TNXB: variants seen among roughly 807,000 people sequenced by gnomAD.
TNXB encodes the protein tenascin XB, also known as tenascin-X.
TNXB carries 183 observed loss-of-function variants against 340.5 expected under a neutral mutation model. The observed-to-expected ratio is 0.54, with a 90% CI of 0.48 to 0.61. TNXB has a LOEUF of 0.61. Ranked by LOEUF, TNXB falls within the 20% of genes least tolerant of loss-of-function variation. The pLI, the probability that TNXB is intolerant of heterozygous loss-of-function variation, is 0.00. For missense variants in TNXB, 4,613 were observed against 5,446.4 expected, an observed-to-expected ratio of 0.85 and a Z score of 4.82; for synonymous variants, 2,121 against 2,314.5, an observed-to-expected ratio of 0.92 and a Z score of 2.40.
At chr6:32,045,967 C>T (rs1268954492) in intron 31 of TNXB, 1 of 1,308,324 alleles carries the variant, frequency 7.6e-7, no homozygotes, top group Admixed American at 3.2e-5. Context: ...CTCCCAGGGC[C>T]TTTCCCTCCC....
chr6:32,050,248 C>G lies in TNXB; in HGVS notation c.9189G>C (p.Leu3063=), dbSNP rs371734979. ...TGGCATCTGTCACGGTCAGCTCCCC[C>G]AGGCGAGGCTTGATGGGGGGCTCAG... The part of the protein sequence containing the change: ...MTPEPPIKPR[L]GELTVTDATP... Residue 3063 remains leucine, a synonymous_variant, in exon 27 of 44, where the codon CTG becomes CTC. Transcript: ENST00000644971. The G allele has an allele frequency of 1.3e-4, 211 of 1,613,448 alleles. 1 individual carries two copies. Among genetic ancestry groups the G allele is most frequent in the East Asian group, 4.9e-4 (22 of 44,896 alleles).
Position 32,083,652 on chromosome 6 carries a change from T to G in TNXB, c.3445+761A>C, listed in dbSNP as rs1372199832. 6.6e-6 allele frequency among the ~76,000 whole-genome samples: 1 copy of G among 152,070 alleles called. No homozygotes were observed. Among genetic ancestry groups the G allele is most frequent in the African/African-American group, 2.4e-5 (1 of 41,384 alleles). ...CATCCCAGCTGACCCATCATCATTTTTCTTTTTTTTGAGACAGGGTGTTGC... is the reference window on the plus strand; with the variant it reads ...CATCCCAGCTGACCCATCATCATTTGTCTTTTTTTTGAGACAGGGTGTTGC... On this transcript the variant is annotated intron_variant, in intron 8 of 43. Coordinates refer to ENST00000644971, the MANE Select transcript of TNXB (RefSeq NM_001365276.2). This position sits in a 1 kb window ranked among gnomAD's most constrained non-coding sequence, Gnocchi z 4.6.
chr6:32,096,201 C>T lies in TNXB; in HGVS notation c.1652G>A (p.Gly551Glu). 1 of 1,567,446 alleles carries T rather than the reference C, an allele frequency of 6.4e-7. No individual in the cohort carries two copies. Among genetic ancestry groups the T allele is most frequent in the East Asian group, 2.4e-5 (1 of 42,078 alleles). Reference protein sequence around the residue: ...GVCVCDAGYSGEDCSTRSCPG... With the variant: ...GVCVCDAGYSEEDCSTRSCPG... ...GCAGCTGCGCGTGCTGCAGTCTTCC[C>T]CTGAGTAGCCTGCGTCACACACGCA... The change falls in exon 3 of 44, where the codon GGG becomes GAG. Residue 551 changes from glycine to glutamate, a missense_variant. By Grantham distance (98) the Gly-to-Glu change is moderately conservative. Around this residue, in one of 7 missense-constraint regions of TNXB, gnomAD observed 4,327 missense variants for 4,859.4 expected, o/e 0.89. Transcript: ENST00000644971.
intron 11 of TNXB, among the ~76,000 whole-genome samples, chr6:32,078,042 A>C (rs1779179331): frequency 6.7e-6 from 1 of 149,390 alleles, no homozygotes; most frequent in Admixed American, 6.7e-5. Context: ...GGAAAAAAAG[A>C]AAGAAAGAGA....
rs773297077 is a variant in TNXB, at chr6:32,068,704, G to A, written c.5906C>T (p.Pro1969Leu). ...GPVHVEALTV[P>L]EEEKPSEPPT... ...AGGTTCTGAAGGCTTCTCCTCCTCC[G>A]GGACTGGACAGAGACATGGAAAGAG... is the stretch of plus-strand genomic sequence containing the variant. Residue 1969 changes from proline to leucine, a missense_variant, in exon 17 of 44, where the codon CCG (proline) becomes CTG (leucine). This residue lies in a region of TNXB where 4,327 missense variants were observed against 4,859.4 expected (regional missense o/e 0.89). Transcript: ENST00000644971. This position sits in a 1 kb window ranked among gnomAD's most constrained non-coding sequence, Gnocchi z 5.3. 7 of 1,612,878 alleles carry A rather than the reference G, an allele frequency of 4.3e-6. No homozygotes were observed. Among genetic ancestry groups the A allele is most frequent in the Admixed American group, 1.7e-5 (1 of 59,978 alleles).
chr6:32,070,324 C>T lies in TNXB; in HGVS notation c.5081G>A (p.Trp1694Ter). Residue 1694 changes from tryptophan (W) to a stop codon, truncating the protein, a stop_gained, in exon 14 of 44, where the codon TGG (tryptophan) becomes TAG (stop). Transcript: ENST00000644971. LOFTEE classifies it high-confidence loss of function. This position sits in a 1 kb window ranked among gnomAD's most constrained non-coding sequence, Gnocchi z 6.0. ...GTCGAACTGGCCCTCAGGAACCGTC[C>T]AGGAGAGGCGCAGTGAGTCTGGGGT... ...DPTPDSLRLS[W>*]TVPEGQFDSF... 1 of 1,611,808 alleles carries T rather than the reference C, an allele frequency of 6.2e-7. No homozygotes were observed. Among genetic ancestry groups the T allele is most frequent in the Non-Finnish European group, 8.5e-7 (1 of 1,179,210 alleles).
chr6:32,059,418 C>CAAAAAAA (rs571985819), intron 21 of TNXB, among the ~76,000 whole-genome samples: 3 of 36,526 alleles, frequency 8.2e-5, no homozygotes, highest in Non-Finnish European at 1.1e-4. Flanking sequence ...GACTCAGTCT[C>CAAAAAAA]AAAAAAAAAA....
chr6:32,079,462 GC>G lies in TNXB; in HGVS notation c.4043-98del. On this transcript the variant is annotated intron_variant, in intron 10 of 43. Coordinates refer to ENST00000644971, the MANE Select transcript of TNXB (RefSeq NM_001365276.2). The surrounding 1 kb of genome is among the most constrained non-coding windows in gnomAD (Gnocchi z 7.1). ...ATGCCCTTACGCTGTGGGCTCAGGG[GC>G]TCTGTAGCCTTTGTATTTGCCATTC... is the stretch of plus-strand genomic sequence containing the variant. 1 of 1,013,704 alleles carries G rather than the reference GC, an allele frequency of 9.9e-7. No homozygotes were observed. The highest frequency in any genetic ancestry group is 1.6e-5 in the African/African-American group (1 of 61,682). 62.8% of individuals were successfully genotyped at this position (1,013,704 alleles called of 1,614,324 possible). A position where few individuals can be genotyped will look rare whatever the true frequency, so the allele number is the denominator to read the frequency against.
chr6:32,073,927 T>C lies in TNXB; in HGVS notation c.4401A>G (p.Pro1467=), dbSNP rs768664559. Residue 1467 remains proline, a synonymous_variant, in exon 12 of 44, where the codon CCA becomes CCG. Coordinates refer to ENST00000644971, the MANE Select transcript of TNXB (RefSeq NM_001365276.2). This position sits in a 1 kb window ranked among gnomAD's most constrained non-coding sequence, Gnocchi z 4.6. ...VTAPQQEETP[P]ATESPLEPRL... is the part of the protein sequence containing the mutation. ...GTGGCTCCAGCGGGGACTCAGTGGCTGGAGGGGTCTCTTCTTGTTGTGGGG... is the reference window on the plus strand; with the variant it reads ...GTGGCTCCAGCGGGGACTCAGTGGCCGGAGGGGTCTCTTCTTGTTGTGGGG... The C allele has an allele frequency of 6.2e-7, 1 of 1,601,850 alleles. No individual in the cohort carries two copies. Among genetic ancestry groups the C allele is most frequent in the South Asian group, 1.1e-5 (1 of 89,426 alleles).
chr6:32,073,560 G>T lies in TNXB; in HGVS notation c.4681+87C>A. On this transcript the variant is annotated intron_variant, in intron 12 of 43. Coordinates refer to ENST00000644971, the MANE Select transcript of TNXB (RefSeq NM_001365276.2). This position sits in a 1 kb window ranked among gnomAD's most constrained non-coding sequence, Gnocchi z 4.6. ...TCTAGCCCCTCAGTGAGGGTGCGGT[G>T]GTACCAAGGCAGGGCTGGAAGAAGG... 1 of 1,258,876 alleles carries T rather than the reference G, an allele frequency of 7.9e-7. No individual in the cohort carries two copies. The highest frequency in any genetic ancestry group is 1.1e-6 in the Non-Finnish European group (1 of 903,330). 78.0% of individuals were successfully genotyped at this position (1,258,876 alleles called of 1,614,324 possible).
Position 32,042,763 on chromosome 6 carries a change from A to G in TNXB, c.11994T>C (p.Asn3998=). The change falls in exon 39 of 44, where the codon AAT becomes AAC. Residue 3998 remains asparagine (N), a synonymous_variant. Transcript: ENST00000644971. ...LLGLFPSTSY[N]ARLQAMWGQS... Reference sequence around the variant, plus strand: ...GGCCCCACATGGCCTGGAGCCGTGCATTGTAGGAGGTGGAGGGAAAGAGGC... The same window carrying G: ...GGCCCCACATGGCCTGGAGCCGTGCGTTGTAGGAGGTGGAGGGAAAGAGGC... 1.4e-6 allele frequency: 1 copy of G among 717,254 alleles called. No individual in the cohort carries two copies. The highest frequency in any genetic ancestry group is 2.3e-6 in the Non-Finnish European group (1 of 435,960). 44.4% of individuals were successfully genotyped at this position (717,254 alleles called of 1,614,324 possible).
At position 32,056,578 on chromosome 6, in the gene TNXB, C is replaced by A; in HGVS notation, c.8143+8G>T. On this transcript the variant is annotated splice_region_variant and intron_variant, in intron 23 of 43. Transcript: ENST00000644971. ...GCTCCCACCCTGGGGCTGCCATCAT[C>A]CACTCACCCGTCACCCCAATGACAG... The A allele has an allele frequency of 6.2e-7, 1 of 1,612,478 alleles. No homozygotes were observed. Among genetic ancestry groups the A allele is most frequent in the Non-Finnish European group, 8.5e-7 (1 of 1,179,482 alleles).
chr6:32,043,645 G>A (rs1237475289), intron 35 of TNXB, 89 bp from the exon 36 acceptor site: 18 of 1,552,244 alleles, frequency 1.2e-5, no homozygotes, highest in South Asian at 5.6e-5. Flanking sequence ...GTCCGCAATC[G>A]GAGCCTCCAC....
At position 32,047,017 on chromosome 6, in the gene TNXB, G is replaced by A. The variant is rs1056169426; in HGVS notation, c.10325-561C>T. 6.6e-6 allele frequency among the ~76,000 whole-genome samples: 1 copy of A among 152,366 alleles called. No individual in the cohort carries two copies. The highest frequency in any genetic ancestry group is 6.5e-5 in the Admixed American group (1 of 15,312). The stretch of plus-strand genomic sequence containing the variant: ...ACCCCACTGGGCCGGGGCAGCCAGG[G>A]TGGGGCAGGGAGAAGACAGGGGATT... On this transcript the variant is annotated intron_variant, in intron 30 of 43. Transcript: ENST00000644971. The surrounding 1 kb of genome is among the most constrained non-coding windows in gnomAD (Gnocchi z 6.2).
At position 32,070,488 on chromosome 6, in the gene TNXB, A is replaced by AC; in HGVS notation, c.4991-75dup. 7.0e-7 allele frequency: 1 copy of AC among 1,425,060 alleles called. No individual in the cohort carries two copies. Among genetic ancestry groups the AC allele is most frequent in the Non-Finnish European group, 9.3e-7 (1 of 1,073,908 alleles). 88.3% of individuals were successfully genotyped at this position (1,425,060 alleles called of 1,614,324 possible). A position where few individuals can be genotyped will look rare whatever the true frequency, so the allele number is the denominator to read the frequency against. Reference sequence around the variant, plus strand: ...ACTGCCTCCCTCTGGGGCTGGAAAAACCCAGAACTGCCCAAATGCTCAGTG... The same window carrying AC: ...ACTGCCTCCCTCTGGGGCTGGAAAAACCCCAGAACTGCCCAAATGCTCAGTG... On this transcript the variant is annotated intron_variant, in intron 13 of 43. Transcript: ENST00000644971. The surrounding 1 kb of genome is among the most constrained non-coding windows in gnomAD (Gnocchi z 6.0).
chr6:32,090,109 G>T lies in TNXB; in HGVS notation c.2359-730C>A, dbSNP rs1298740031. Among the ~76,000 whole-genome samples, 4 of 152,160 alleles carry T rather than the reference G, an allele frequency of 2.6e-5. No individual in the cohort carries two copies. Among genetic ancestry groups the T allele is most frequent in the Non-Finnish European group, 5.9e-5 (4 of 68,032 alleles). On this transcript the variant is annotated intron_variant, in intron 4 of 43. Transcript: ENST00000644971. This position sits in a 1 kb window ranked among gnomAD's most constrained non-coding sequence, Gnocchi z 4.3. Reference sequence around the variant, plus strand: ...TCAAAACAAGAACCACCTGCTCAAAGTTCCACAAATATGTTTCCTGATTGT... The same window carrying T: ...TCAAAACAAGAACCACCTGCTCAAATTTCCACAAATATGTTTCCTGATTGT...
In TNXB at chr6:32,097,394, G is replaced by A. The variant is rs1164897393; in HGVS notation, c.459C>T (p.Arg153=). The change falls in exon 3 of 44, where the codon CGC becomes CGT. Residue 153 remains arginine (R), a synonymous_variant. Transcript: ENST00000644971. This position sits in a 1 kb window ranked among gnomAD's most constrained non-coding sequence, Gnocchi z 5.9. The part of the protein sequence containing the change: ...CSLHGVFDLS[R]CTCSCEPGWG... ...AGCCTGGCTCACAGGAACAGGTGCA[G>A]CGGCTCAGATCAAACACACCATGGA... 6.2e-7 allele frequency: 1 copy of A among 1,610,610 alleles called. No individual in the cohort carries two copies. Among genetic ancestry groups the A allele is most frequent in the Non-Finnish European group, 8.5e-7 (1 of 1,179,672 alleles).
At position 32,058,522 on chromosome 6, in the gene TNXB, C is replaced by T. The variant is rs983210113; in HGVS notation, c.7493-132G>A. 12 of 762,384 alleles carry T rather than the reference C, an allele frequency of 1.6e-5. No homozygotes were observed. Among genetic ancestry groups the T allele is most frequent in the Admixed American group, 3.0e-5 (1 of 33,754 alleles). 47.2% of individuals were successfully genotyped at this position (762,384 alleles called of 1,614,324 possible). On this transcript the variant is annotated intron_variant, in intron 21 of 43. Coordinates refer to ENST00000644971, the MANE Select transcript of TNXB (RefSeq NM_001365276.2). The surrounding 1 kb of genome is among the most constrained non-coding windows in gnomAD (Gnocchi z 5.1). The stretch of plus-strand genomic sequence containing the variant: ...CTGAGGGCTGGGGCAGCTTTGTGTT[C>T]GCCGTTCAGTGACTCTTGGAATAAG...
In TNXB at chr6:32,067,667, C is replaced by T. The variant is rs1370089788; in HGVS notation, c.6538G>A (p.Val2180Ile). 10 of 1,613,036 alleles carry T rather than the reference C, an allele frequency of 6.2e-6. No homozygotes were observed. Among genetic ancestry groups the T allele is most frequent in the African/African-American group, 2.7e-5 (2 of 75,006 alleles). The change falls in exon 18 of 44, where the codon GTC (valine) becomes ATC (isoleucine). Residue 2180 changes from valine (V) to isoleucine (I), a missense_variant. Coordinates refer to ENST00000644971, the MANE Select transcript of TNXB (RefSeq NM_001365276.2). The surrounding 1 kb of genome is among the most constrained non-coding windows in gnomAD (Gnocchi z 4.2). Reference sequence around the variant, plus strand: ...CTCTGCAGTGCACACTCACCCGTGACGCCCACAGCAGACACTGGGCCCACG... The same window carrying T: ...CTCTGCAGTGCACACTCACCCGTGATGCCCACAGCAGACACTGGGCCCACG... ...RRVGPVSAVG[V>I]TAPEEESPDA...
Sources: gnomAD v4.1 joint callset for allele counts (sites outside exome capture counted in the v4.1 genomes callset) on GRCh38, gnomAD v4.1.1 for gene constraint, gnomAD v4.1.1 regional missense constraint, Gnocchi (gnomAD v3.1) non-coding constraint, MANE v1.5 for transcripts, NCBI Gene and HGNC (gene_info 2026-07-23, HGNC 2026-07-21) for gene names.